CLN6: variants seen among roughly 807,000 people sequenced by gnomAD.
CLN6 encodes the protein ceroid-lipofuscinosis neuronal protein 6.
A neutral mutation model predicts 33.3 loss-of-function variants in CLN6; 22 were observed. The ratio of observed to expected loss-of-function variants is 0.66; its 90% CI spans 0.47 to 0.94. The LOEUF (loss-of-function observed/expected upper bound fraction) is 0.94, where lower values mean the gene tolerates loss of function less well. CLN6 is among the 40% of genes least tolerant of loss of function. The pLI, the probability that CLN6 is intolerant of heterozygous loss-of-function variation, is 0.00. For missense variants in CLN6, 387 were observed against 417.1 expected (o/e 0.93, Z 0.63); for synonymous variants, 201 against 174.6 (o/e 1.15, Z -1.19).
chr15:68,225,275 A>G (rs541417721), intron 1 of CLN6, among the ~76,000 whole-genome samples: 8 of 152,364 alleles, frequency 5.3e-5, no homozygotes, highest in African/African-American at 1.7e-4. Flanking sequence ...TGTTGGAACA[A>G]TATTTATTAA....
At position 68,246,194 on chromosome 15, in the gene CLN6, G is replaced by A. The variant is rs969811349; in HGVS notation, c.179+10496C>T. Among the ~76,000 whole-genome samples, 1 of 152,032 alleles carries A rather than the reference G, an allele frequency of 6.6e-6. No individual in the cohort carries two copies. The highest frequency in any genetic ancestry group is 1.5e-5 in the Non-Finnish European group (1 of 68,004). Reference sequence around the variant, plus strand: ...AAATCAACAAAGAAGCATCAGAATTGAACTACACACTAGACCAAATAGGCC... The same window carrying A: ...AAATCAACAAAGAAGCATCAGAATTAAACTACACACTAGACCAAATAGGCC... On this transcript the variant is annotated intron_variant, in intron 1 of 6. Coordinates refer to the CLN6 transcript ENST00000538696. The surrounding 1 kb of genome is among the most constrained non-coding windows in gnomAD (Gnocchi z 4.5).
intron 1 of CLN6, among the ~76,000 whole-genome samples, chr15:68,224,382 G>T (rs1399098159): frequency 1.3e-5 from 2 of 151,806 alleles, no homozygotes; most frequent in African/African-American, 4.8e-5. Context: ...AGCAGTTTGG[G>T]AGGGTGAGCT....
At chr15:68,251,785 A>G (rs963521224) in intron 1 of CLN6, among the ~76,000 whole-genome samples, 4 of 152,180 alleles carry the variant, frequency 2.6e-5, no homozygotes, top group Non-Finnish European at 4.4e-5. Flanking sequence ...TTTGTAGGTA[A>G]TATAATTGCA....
Position 68,237,669 on chromosome 15 carries a change from G to A in CLN6, c.180-19019C>T, listed in dbSNP as rs572417328. Among the ~76,000 whole-genome samples the A allele has an allele frequency of 2.6e-5, 4 of 152,260 alleles. No individual in the cohort carries two copies. In the South Asian group the frequency reaches 8.3e-4, roughly 32 times the overall value. On this transcript the variant is annotated intron_variant, in intron 1 of 6. Transcript: ENST00000538696. Reference sequence around the variant, plus strand: ...GAAGGAAGAGTTAAGAGAAGAAAGGGTAGAATGAGAAAGTCTAAAAAATAT... The same window carrying A: ...GAAGGAAGAGTTAAGAGAAGAAAGGATAGAATGAGAAAGTCTAAAAAATAT...
chr15:68,221,552 A>G (rs2093236038), intron 1 of CLN6, among the ~76,000 whole-genome samples: 1 of 152,082 alleles, frequency 6.6e-6, no homozygotes, highest in Non-Finnish European at 1.5e-5. Flanking sequence ...CCCAGGCTGG[A>G]GTGCAGTGGC....
In CLN6 at chr15:68,239,140, T is replaced by C. The variant is rs115466413; in HGVS notation, c.179+17550A>G. Among the ~76,000 whole-genome samples the C allele has an allele frequency of 3.4e-3, 496 of 147,356 alleles. 3 individuals carry two copies. Among genetic ancestry groups the C allele is most frequent in the African/African-American group, 0.012 (478 of 39,974 alleles). ...ACTTCCATACCAGTAAAAAGTAAAA[T>C]AGAATAAGAAAACAAAAACCCAATG... On this transcript the variant is annotated intron_variant, in intron 1 of 6. Coordinates refer to the CLN6 transcript ENST00000538696.
chr15:68,250,873 T>TA (rs1157749269), intron 1 of CLN6, among the ~76,000 whole-genome samples: 1 of 152,206 alleles, frequency 6.6e-6, no homozygotes, highest in African/African-American at 2.4e-5. Context: ...ACTGTATTTG[T>TA]ATTCTAATTT....
At chr15:68,215,538 T>G (rs1400398182) in intron 2 of CLN6, 2 of 152,286 alleles carry the variant, frequency 1.3e-5, no homozygotes, top group East Asian at 3.9e-4. Context: ...GGTCTCCTTA[T>G]GTTGACCAGG....
intron 1 of CLN6, among the ~76,000 whole-genome samples, chr15:68,237,298 A>C (rs1252437705): frequency 1.3e-5 from 2 of 151,262 alleles, no homozygotes; most frequent in Non-Finnish European, 2.9e-5. Flanking sequence ...TGGGCAACAT[A>C]GCGAGACCCC....
rs535076114 is a variant in CLN6 at position 68,217,460 on chromosome 15, G to T, written c.198+1076C>A. Reference sequence around the variant, plus strand: ...GCCCTGACTGATCTCAAACTCCTGGGCTCAAGTGATGTTCCTGTTTCAGCT... The same window carrying T: ...GCCCTGACTGATCTCAAACTCCTGGTCTCAAGTGATGTTCCTGTTTCAGCT... On this transcript the variant is annotated intron_variant, in intron 2 of 6. Coordinates refer to ENST00000249806, the MANE Select transcript of CLN6 (RefSeq NM_017882.3). 1.1e-4 allele frequency among the ~76,000 whole-genome samples: 16 copies of T among 152,244 alleles called. No homozygotes were observed. In the South Asian group the frequency reaches 2.3e-3, roughly 22 times the overall value.
Position 68,220,605 on chromosome 15 carries a change from G to C in CLN6, c.84-1955C>G, listed in dbSNP as rs2093233003. Among the ~76,000 whole-genome samples the C allele has an allele frequency of 6.6e-6, 1 of 152,240 alleles. No homozygotes were observed. Among genetic ancestry groups the C allele is most frequent in the Non-Finnish European group, 1.5e-5 (1 of 68,042 alleles). On this transcript the variant is annotated intron_variant, in intron 1 of 6. Coordinates refer to ENST00000249806, the MANE Select transcript of CLN6 (RefSeq NM_017882.3). The surrounding 1 kb of genome is among the most constrained non-coding windows in gnomAD (Gnocchi z 4.2). ...CAAGGGACATCCAGGTAAGAATGAA[G>C]TAGCCTCGCAGAGAGGATCAGGGAA...
rs1001788075 is a variant in CLN6, at chr15:68,242,777, C to T, written c.179+13913G>A. On this transcript the variant is annotated intron_variant, in intron 1 of 6. Transcript: ENST00000538696. This position sits in a 1 kb window ranked among gnomAD's most constrained non-coding sequence, Gnocchi z 5.0. ...CTTTAAGGTCAAACTGTTTCTTTGA[C>T]TTTTGAAAATGGTTTGATTTACCTA... Among the ~76,000 whole-genome samples, 11 of 152,242 alleles carry T rather than the reference C, an allele frequency of 7.2e-5. No individual in the cohort carries two copies. Among genetic ancestry groups the T allele is most frequent in the African/African-American group, 2.6e-4 (11 of 41,542 alleles).
intron 1 of CLN6, among the ~76,000 whole-genome samples, chr15:68,243,711 C>T (rs28806598): frequency 0.031 from 4,643 of 147,864 alleles, 89 homozygotes; most frequent in Middle Eastern, 0.059. Flanking sequence ...GCCGATATTG[C>T]GCCACTGCAC....
In CLN6 at chr15:68,254,752, A is replaced by C. The variant is rs186821404; in HGVS notation, c.179+1938T>G. ...CTGCTCCTCCAAAGCCAGAGCCCAA[A>C]CCTAAAAAGGCCCCTGCAAAGAAGG... is the stretch of plus-strand genomic sequence containing the variant. On this transcript the variant is annotated intron_variant, in intron 1 of 6. Coordinates refer to the CLN6 transcript ENST00000538696. The C allele has an allele frequency of 1.4e-3, 1,067 of 769,310 alleles. 3 individuals carry two copies. The highest frequency in any genetic ancestry group is 1.7e-3 in the Non-Finnish European group (736 of 427,454). 47.7% of individuals were successfully genotyped at this position (769,310 alleles called of 1,614,324 possible). A position where few individuals can be genotyped will look rare whatever the true frequency, so the allele number is the denominator to read the frequency against.
Position 68,218,612 on chromosome 15 carries a change from G to A in CLN6, c.122C>T (p.Ala41Val). ...GAACCAGAGGTCGAGGTGGAAGGGA[G>A]CCGTGCGGGCAGCCTCATCAGCGCT... ...SVSADEAART[A>V]PFHLDLWFYF... The change falls in exon 2 of 7, where the codon GCT becomes GTT. Residue 41 changes from alanine (A) to valine (V), a missense_variant. Transcript: ENST00000249806. 1 of 1,614,010 alleles carries A rather than the reference G, an allele frequency of 6.2e-7. No individual in the cohort carries two copies. Among genetic ancestry groups the A allele is most frequent in the Non-Finnish European group, 8.5e-7 (1 of 1,179,954 alleles).
At chr15:68,233,161 C>T (rs867483), upstream of CLN6, among the ~76,000 whole-genome samples, 72,157 of 152,074 alleles carry the variant, frequency 0.47, 17,953 homozygotes, top group Non-Finnish European at 0.56. The surrounding 1 kb of genome is among the most constrained non-coding windows in gnomAD (Gnocchi z 4.3). Flanking sequence ...CTGTCTCACT[C>T]CCCCTTGTCC....
At position 68,228,015 on chromosome 15, in the gene CLN6, C is replaced by A. The variant is rs1302619240; in HGVS notation, c.83+1487G>T. 2.0e-5 allele frequency among the ~76,000 whole-genome samples: 3 copies of A among 152,184 alleles called. No homozygotes were observed. Among genetic ancestry groups the A allele is most frequent in the Non-Finnish European group, 4.4e-5 (3 of 68,032 alleles). ...TCACAGCAGAGATGAAACCACTGGA[C>A]ACGGCGTGGGGCAGACAGCCCGGGG... On this transcript the variant is annotated intron_variant, in intron 1 of 6. Transcript: ENST00000249806. This position sits in a 1 kb window ranked among gnomAD's most constrained non-coding sequence, Gnocchi z 4.4.
rs147140168 is a variant in CLN6 at position 68,251,006 on chromosome 15, TC to T, written c.179+5683del. The stretch of plus-strand genomic sequence containing the variant: ...AGAAAGGAAATAACAGACCAGAATC[TC>T]TGATGAACATGGATGTAAATACTAT... On this transcript the variant is annotated intron_variant, in intron 1 of 6. Coordinates refer to the CLN6 transcript ENST00000538696. Among the ~76,000 whole-genome samples the T allele has an allele frequency of 9.6e-3, 1,464 of 152,258 alleles. 22 individuals carry two copies. Among genetic ancestry groups the T allele is most frequent in the African/African-American group, 0.032 (1,347 of 41,544 alleles).
intron 1 of CLN6, among the ~76,000 whole-genome samples, chr15:68,239,729 A>G (rs1307807021): frequency 1.3e-5 from 2 of 152,228 alleles, no homozygotes; most frequent in Non-Finnish European, 2.9e-5. Context: ...AACACAATTC[A>G]CTAGCTTAAT....
Sources: allele counts gnomAD v4.1 joint callset (sites outside exome capture counted in the v4.1 genomes callset), GRCh38; gene constraint gnomAD v4.1.1; non-coding constraint Gnocchi (gnomAD v3.1); transcripts MANE v1.5; gene names NCBI Gene and HGNC (gene_info 2026-07-23, HGNC 2026-07-21).